SCN9A: variants seen among roughly 807,000 people sequenced by gnomAD.
SCN9A encodes sodium channel protein type 9 subunit alpha.
In SCN9A, 131 loss-of-function variants were observed where a neutral mutation model predicts 187.0. That is an observed-to-expected ratio of 0.70 (90% CI 0.61 to 0.81). The LOEUF is 0.81. Ranked by LOEUF, SCN9A falls within the 30% of genes least tolerant of loss-of-function variation. SCN9A has a pLI of 0.00. For missense variants in SCN9A, 2,252 were observed against 2,396.6 expected, an observed-to-expected ratio of 0.94 and a Z score of 1.26; for synonymous variants, 809 against 808.6, an observed-to-expected ratio of 1.00 and a Z score of -0.01.
intron 23 of SCN9A, 21 bp from the exon 24 acceptor site, chr2:166,226,725 AGCATT>A: frequency 6.5e-7 from 1 of 1,531,036 alleles, no homozygotes; most frequent in Non-Finnish European, 8.8e-7. Flanking sequence ...TACAAAAGTT[AGCATT>A]ATATGGACAG....
chr2:166,306,085 A>G (rs1270828736), intron 4 of SCN9A, among the ~76,000 whole-genome samples, 165 bp from the exon 5 acceptor site: 1 of 152,060 alleles, frequency 6.6e-6, no homozygotes, highest in Non-Finnish European at 1.5e-5. Context: ...TATCCAGAAA[A>G]TATTAAAATG....
At chr2:166,303,918 A>C in intron 6 of SCN9A, 1 of 1,097,002 alleles carries the variant, frequency 9.1e-7, no homozygotes, top group Admixed American at 2.1e-5. Flanking sequence ...TTTGATAATG[A>C]TTGTGGAAAA....
chr2:166,297,941 T>C (rs1318593586), intron 7 of SCN9A, among the ~76,000 whole-genome samples: 1 of 151,918 alleles, frequency 6.6e-6, no homozygotes, highest in Non-Finnish European at 1.5e-5. Flanking sequence ...GTGAAGTTTT[T>C]AAATTAATTT....
intron 1 of SCN9A, among the ~76,000 whole-genome samples, chr2:166,341,790 T>G (rs1157276480): frequency 6.6e-6 from 1 of 152,212 alleles, no homozygotes; most frequent in Admixed American, 6.5e-5. Flanking sequence ...TTTCATTTCT[T>G]TATTATTTTC....
Position 166,199,444 on chromosome 2 carries a change from T to A in SCN9A, c.5195A>T (p.Asn1732Ile), listed in dbSNP as rs201537698. The A allele has an allele frequency of 6.2e-7, 1 of 1,614,122 alleles. No homozygotes were observed. ...AAAGTAGAATATTCCAACAGATGGG[T>A]TACCACAGTCTCCTTCAACTGAACT... ...PGSSVEGDCG[N>I]PSVGIFYFVS... Residue 1732 changes from asparagine (N) to isoleucine (I), a missense_variant, in exon 27 of 27, where the codon AAC becomes ATC. By Grantham distance (149) the Asn-to-Ile change is moderately radical. Transcript: ENST00000642356.
intron 20 of SCN9A, among the ~76,000 whole-genome samples, chr2:166,236,077 C>A (rs1240624614): frequency 1.3e-5 from 2 of 151,738 alleles, no homozygotes; most frequent in African/African-American, 2.4e-5. Context: ...AAGAGAGAGA[C>A]CCCGTCATAT....
chr2:166,278,810 G>A (rs760327518), intron 14 of SCN9A, among the ~76,000 whole-genome samples: 2 of 151,958 alleles, frequency 1.3e-5, no homozygotes, highest in Non-Finnish European at 2.9e-5. Context: ...TTGACAATGT[G>A]GCAGCTAAAG....
At chr2:166,218,297 T>C (rs551600166) in intron 24 of SCN9A, among the ~76,000 whole-genome samples, 1 of 147,574 alleles carries the variant, frequency 6.8e-6, no homozygotes, top group African/African-American at 2.5e-5. Context: ...CATTAGGAGA[T>C]ATACCTAATG....
intron 1 of SCN9A, among the ~76,000 whole-genome samples, chr2:166,317,612 A>G (rs1699140034): frequency 6.6e-6 from 1 of 152,210 alleles, no homozygotes; most frequent in Admixed American, 6.5e-5. Flanking sequence ...ATATATAGAT[A>G]TGTTTTATCT....
At chr2:166,365,495 C>T (rs186364672) in intron 1 of SCN9A, among the ~76,000 whole-genome samples, 55 of 152,260 alleles carry the variant, frequency 3.6e-4, no homozygotes, top group African/African-American at 1.1e-3. Context: ...CAGCCCTCGA[C>T]GCAGGTTAGT....
intron 1 of SCN9A, among the ~76,000 whole-genome samples, chr2:166,313,528 C>CT (rs1412030014): frequency 6.6e-6 from 1 of 151,950 alleles, no homozygotes; most frequent in Non-Finnish European, 1.5e-5. Context: ...AGCTTCAAAC[C>CT]TTTTTTTTCC....
chr2:166,293,278 A>G lies in SCN9A; in HGVS notation c.1060T>C (p.Leu354=). The change falls in exon 9 of 27, where the codon TTG becomes CTG. Residue 354 remains leucine, a synonymous_variant. Transcript: ENST00000642356. ...FDTFSWAFLA[L]FRLMTQDYWE... ...TAATCTTGGGTCATTAGCCTAAACA[A>G]GGCTAAGAAGGCCCAGCTGAAAGTG... 1 of 1,596,842 alleles carries G rather than the reference A, an allele frequency of 6.3e-7. No homozygotes were observed. Among genetic ancestry groups the G allele is most frequent in the East Asian group, 2.2e-5 (1 of 44,518 alleles).
chr2:166,293,154 T>G, intron 9 of SCN9A, 77 bp downstream of exon 9: 2 of 1,333,724 alleles, frequency 1.5e-6, no homozygotes, highest in Non-Finnish European at 2.1e-6. Flanking sequence ...ATAAAAAACC[T>G]CCTAATACAG....
At chr2:166,278,707 T>C (rs1697345867) in intron 14 of SCN9A, among the ~76,000 whole-genome samples, 1 of 151,418 alleles carries the variant, frequency 6.6e-6, no homozygotes, top group African/African-American at 2.4e-5. Flanking sequence ...TGAGCCAGTC[T>C]TTTTTTTTCT....
Position 166,307,122 on chromosome 2 carries a change from T to A in SCN9A, c.259-48A>T, listed in dbSNP as rs763974094. 9.3e-6 allele frequency: 10 copies of A among 1,078,648 alleles called. No homozygotes were observed. The Admixed American group carries it at 1.5e-4, about 16-fold the overall frequency. The allele number at this position is 1,078,648 out of a possible 1,614,324, so 66.8% of individuals were successfully genotyped here. A position where few individuals can be genotyped will look rare whatever the true frequency, so the allele number is the denominator to read the frequency against. ...TGAAATTGAGAATCCAAAATATCAA[T>A]TTTTCACATCAATATCAGCAGTTTA... On this transcript the variant is annotated intron_variant, in intron 2 of 26. Coordinates refer to ENST00000642356, the MANE Select transcript of SCN9A (RefSeq NM_001365536.1).
Position 166,225,015 on chromosome 2 carries a change from T to A in SCN9A, c.4398+1552A>T, listed in dbSNP as rs1031099124. On this transcript the variant is annotated intron_variant, in intron 24 of 26. Transcript: ENST00000642356. ...AAACATCAATCTCCTGCTTCCATATTCTTCCCTACTCAACATATATGAATG... is the reference window on the plus strand; with the variant it reads ...AAACATCAATCTCCTGCTTCCATATACTTCCCTACTCAACATATATGAATG... Among the ~76,000 whole-genome samples the A allele has an allele frequency of 1.3e-4, 20 of 152,134 alleles. 1 individual carries two copies. The highest frequency in any genetic ancestry group is 2.9e-5 in the Non-Finnish European group (2 of 67,982).
chr2:166,269,994 G>C (rs1022582230), intron 17 of SCN9A, among the ~76,000 whole-genome samples: 2 of 151,978 alleles, frequency 1.3e-5, no homozygotes, highest in Admixed American at 6.6e-5. Flanking sequence ...CTTTCCATAT[G>C]ATACTAAACC....
chr2:166,232,695 T>A (rs539148002), intron 21 of SCN9A, among the ~76,000 whole-genome samples: 1 of 151,526 alleles, frequency 6.6e-6, no homozygotes, highest in South Asian at 2.1e-4. Flanking sequence ...GTGATTAACT[T>A]ATTCCCTTGT....
intron 24 of SCN9A, among the ~76,000 whole-genome samples, chr2:166,208,649 G>A (rs1693933359): frequency 6.6e-6 from 1 of 152,070 alleles, no homozygotes; most frequent in Non-Finnish European, 1.5e-5. Context: ...GAAATCATTA[G>A]AGGTGAAAAA....
Sources: gnomAD v4.1 joint callset for allele counts (sites outside exome capture counted in the v4.1 genomes callset) on GRCh38, gnomAD v4.1.1 for gene constraint, MANE v1.5 for transcripts, NCBI Gene and HGNC (gene_info 2026-07-23, HGNC 2026-07-21) for gene names.